The following UNC80 variants were observed in gnomAD, a reference collection of about 807,000 sequenced individuals.
UNC80 encodes protein unc-80 homolog.
UNC80 carries 164 observed loss-of-function variants against 384.6 expected under a neutral mutation model. That is an observed-to-expected ratio of 0.43 (90% CI 0.38 to 0.49). The LOEUF (loss-of-function observed/expected upper bound fraction) is 0.49, where lower values mean the gene tolerates loss of function less well. UNC80 is among the 20% of genes least tolerant of loss of function. UNC80 has a pLI of 0.00. For missense variants in UNC80, 3,330 were observed against 4,143.0 expected (o/e 0.80, Z 5.39); for synonymous variants, 1,486 against 1,527.8 (o/e 0.97, Z 0.64).
chr2:209,921,970 A>T (rs2090069346), intron 34 of UNC80, among the ~76,000 whole-genome samples: 1 of 152,246 alleles, frequency 6.6e-6, no homozygotes, highest in African/African-American at 2.4e-5. Context: ...AACTACTTTC[A>T]ACCTTCACAA....
intron 22 of UNC80, among the ~76,000 whole-genome samples, chr2:209,871,827 C>G (rs533654796): frequency 1.4e-5 from 2 of 141,922 alleles, no homozygotes; most frequent in Admixed American, 1.4e-4. Context: ...TTTTTTTTTT[C>G]AAGCACATTT....
At chr2:209,911,328 T>A (rs2088913823) in intron 29 of UNC80, among the ~76,000 whole-genome samples, 1 of 152,214 alleles carries the variant, frequency 6.6e-6, no homozygotes, top group Non-Finnish European at 1.5e-5. Context: ...TGCTATATAT[T>A]GCTTTCACAT....
chr2:209,814,389 G>A (rs1382001838), intron 8 of UNC80, among the ~76,000 whole-genome samples: 1 of 151,864 alleles, frequency 6.6e-6, no homozygotes, highest in Non-Finnish European at 1.5e-5. Context: ...GACTACAGGC[G>A]CCCGCCACCA....
At chr2:209,824,416 GC>G (rs1388017146) in intron 13 of UNC80, among the ~76,000 whole-genome samples, 6 of 152,154 alleles carry the variant, frequency 3.9e-5, no homozygotes, top group Admixed American at 6.5e-5. Context: ...AGAGGCCTAA[GC>G]TAATCACAGA....
At chr2:209,784,409 G>C (rs1406109881) in intron 4 of UNC80, among the ~76,000 whole-genome samples, 2 of 152,028 alleles carry the variant, frequency 1.3e-5, no homozygotes, top group Non-Finnish European at 1.5e-5. Flanking sequence ...CTATCAGGCA[G>C]TATATTATTT....
chr2:209,887,697 G>T (rs993885797), intron 25 of UNC80, among the ~76,000 whole-genome samples: 4 of 152,096 alleles, frequency 2.6e-5, no homozygotes, highest in Non-Finnish European at 2.9e-5. Context: ...CTCCTTTAGA[G>T]ATTAAAAAAA....
intron 7 of UNC80, among the ~76,000 whole-genome samples, chr2:209,799,476 G>GA (rs2078394872): frequency 6.6e-6 from 1 of 152,154 alleles, no homozygotes; most frequent in Non-Finnish European, 1.5e-5. Context: ...TTTGGGCTGA[G>GA]ATGATGGGGT....
intron 28 of UNC80, among the ~76,000 whole-genome samples, chr2:209,897,382 A>G (rs1405233763): frequency 6.6e-5 from 10 of 152,128 alleles, no homozygotes; most frequent in Non-Finnish European, 1.5e-4. Context: ...TTCTAACACC[A>G]TAGATTCATT....
At chr2:209,799,691 G>C (rs929674472) in intron 7 of UNC80, among the ~76,000 whole-genome samples, 8 of 152,058 alleles carry the variant, frequency 5.3e-5, no homozygotes, top group Non-Finnish European at 1.2e-4. Context: ...CCATTCAATA[G>C]GATATTGGCT....
intron 37 of UNC80, 69 bp downstream of exon 37, chr2:209,930,040 G>C: frequency 9.5e-7 from 1 of 1,053,822 alleles, no homozygotes. Flanking sequence ...ATCATGCAAA[G>C]AACTTTATAG....
At chr2:209,882,216 T>C (rs1294670302) in intron 25 of UNC80, among the ~76,000 whole-genome samples, 1 of 152,096 alleles carries the variant, frequency 6.6e-6, no homozygotes, top group African/African-American at 2.4e-5. Context: ...TCTGCCTGCC[T>C]TGGCCTCCCA....
In UNC80 at chr2:209,972,299, G is replaced by A; in HGVS notation, c.8355G>A (p.Val2785=). 6.4e-7 allele frequency: 1 copy of A among 1,551,650 alleles called. No individual in the cohort carries two copies. The highest frequency in any genetic ancestry group is 8.7e-7 in the Non-Finnish European group (1 of 1,146,820). The change falls in exon 55 of 65, where the codon GTG becomes GTA. Residue 2785 remains valine, a synonymous_variant. Coordinates refer to ENST00000673920, the MANE Select transcript of UNC80 (RefSeq NM_001371986.1). ...TTTTAAATCTGCTCATCCCATTTGT[G>A]CTCACAGTAGGATCTGGAAGCAAAG... ...GMLLNLLIPF[V]LTVGSGSKDS...
Position 209,834,286 on chromosome 2 carries a change from C to T in UNC80, c.2942+118C>T. 5.2e-6 allele frequency: 6 copies of T among 1,152,258 alleles called. No homozygotes were observed. In the South Asian group the frequency reaches 9.9e-5, roughly 19 times the overall value. The allele number at this position is 1,152,258 out of a possible 1,614,324, so 71.4% of individuals were successfully genotyped here. On this transcript the variant is annotated intron_variant, in intron 17 of 64. Coordinates refer to ENST00000673920, the MANE Select transcript of UNC80 (RefSeq NM_001371986.1). ...GTCAGCATAGGAATGGTAAAATTATCTTGCGTAAGTGGTTTCACTGGTGTG... is the reference window on the plus strand; with the variant it reads ...GTCAGCATAGGAATGGTAAAATTATTTTGCGTAAGTGGTTTCACTGGTGTG...
intron 7 of UNC80, among the ~76,000 whole-genome samples, chr2:209,812,687 A>G (rs1288062022): frequency 6.6e-6 from 1 of 151,794 alleles, no homozygotes; most frequent in Non-Finnish European, 1.5e-5. Context: ...ATATTTTGTC[A>G]CTTATTGTCT....
chr2:209,910,846 A>C (rs2088847419), intron 29 of UNC80, among the ~76,000 whole-genome samples: 1 of 152,158 alleles, frequency 6.6e-6, no homozygotes, highest in African/African-American at 2.4e-5. Flanking sequence ...AATACTCTTT[A>C]TAAAATCATA....
chr2:209,938,848 T>C (rs2091434397), intron 42 of UNC80, among the ~76,000 whole-genome samples: 1 of 152,054 alleles, frequency 6.6e-6, no homozygotes, highest in Admixed American at 6.6e-5. Flanking sequence ...CTCAGGGAGA[T>C]TATAACATGG....
chr2:209,798,638 A>C (rs1435834907), intron 7 of UNC80, among the ~76,000 whole-genome samples: 1 of 151,954 alleles, frequency 6.6e-6, no homozygotes, highest in African/African-American at 2.4e-5. Context: ...TGTCTTGGCT[A>C]TACGGCTCTC....
intron 36 of UNC80, among the ~76,000 whole-genome samples, chr2:209,928,151 C>T (rs1047177443): frequency 2.6e-5 from 4 of 152,024 alleles, no homozygotes; most frequent in Non-Finnish European, 5.9e-5. Context: ...GCCTGGCCAA[C>T]GTGGCGAAAC....
intron 1 of UNC80, among the ~76,000 whole-genome samples, 153 bp downstream of exon 1, chr2:209,772,317 A>T (rs2076621198): frequency 6.6e-6 from 1 of 152,016 alleles, no homozygotes; most frequent in African/African-American, 2.4e-5. Context: ...GCACCAGCTT[A>T]AAAACACGCA....
Sources: gnomAD v4.1 joint callset for allele counts (sites outside exome capture counted in the v4.1 genomes callset) on GRCh38, gnomAD v4.1.1 for gene constraint, MANE v1.5 for transcripts, NCBI Gene and HGNC (gene_info 2026-07-23, HGNC 2026-07-21) for gene names.